Variants in ADH1C observed in about 807,000 individuals in gnomAD.
ADH1C encodes alcohol dehydrogenase 1C.
Under a neutral mutation model 35.0 loss-of-function variants are expected in ADH1C, and 26 were observed. The ratio of observed to expected loss-of-function variants is 0.74; its 90% CI spans 0.54 to 1.03. The LOEUF (loss-of-function observed/expected upper bound fraction) is 1.03. ADH1C is among the 50% of genes least tolerant of loss of function. The pLI is 0.00. For synonymous variants in ADH1C, 170 were observed against 169.3 expected, an observed-to-expected ratio of 1.00 and a Z score of -0.03; for missense variants, 413 against 465.4, an observed-to-expected ratio of 0.89 and a Z score of 1.04.
intron 3 of ADH1C, 52 bp from the exon 4 acceptor site, chr4:99,345,318 G>A: frequency 1.3e-6 from 2 of 1,525,148 alleles, no homozygotes; most frequent in Non-Finnish European, 1.8e-6. Context: ...GGAATTAATA[G>A]AGCAAAAACT....
chr4:99,339,045 AT>A (rs900693174), intron 8 of ADH1C, among the ~76,000 whole-genome samples: 2 of 151,526 alleles, frequency 1.3e-5, no homozygotes, highest in South Asian at 2.1e-4. Context: ...TTCTTAGTAA[AT>A]TTTTTTTTCT....
chr4:99,341,390 A>G (rs2009181), intron 6 of ADH1C, among the ~76,000 whole-genome samples: 46,873 of 151,978 alleles, frequency 0.31, 8,771 homozygotes, highest in East Asian at 0.75. Context: ...TAGTTCTTTG[A>G]TTTTGGATTC....
intron 8 of ADH1C, 53 bp downstream of exon 8, chr4:99,339,524 C>CGA (rs1560535849): frequency 6.1e-6 from 7 of 1,153,522 alleles, no homozygotes; most frequent in South Asian, 3.4e-5. Context: ...CCCCCCCCCC[C>CGA]CCGCCGCTAC....
chr4:99,349,799 G>A (rs1734632563), intron 1 of ADH1C, among the ~76,000 whole-genome samples: 1 of 120,708 alleles, frequency 8.3e-6, no homozygotes, highest in South Asian at 2.4e-4. Flanking sequence ...TTGTGTATGT[G>A]TGTTTCTGTG....
At chr4:99,339,547 A>G in intron 8 of ADH1C, 30 bp downstream of exon 8, 3 of 1,495,696 alleles carry the variant, frequency 2.0e-6, no homozygotes, top group Non-Finnish European at 2.7e-6. Flanking sequence ...TAGAATACAA[A>G]GCAAAACAAA....
intron 5 of ADH1C, among the ~76,000 whole-genome samples, chr4:99,344,567 T>C (rs1390196809): frequency 2.0e-5 from 3 of 152,218 alleles, no homozygotes; most frequent in Non-Finnish European, 4.4e-5. Flanking sequence ...TAATTGTTGA[T>C]TGAATTACAA....
intron 5 of ADH1C, among the ~76,000 whole-genome samples, chr4:99,344,654 A>G (rs1405817839): frequency 1.5e-5 from 2 of 137,540 alleles, no homozygotes; most frequent in Non-Finnish European, 3.4e-5. Context: ...TGAAAATGAC[A>G]TCTTTACATT....
At chr4:99,340,449 G>A in intron 7 of ADH1C, 126 bp downstream of exon 7, 1 of 1,142,198 alleles carries the variant, frequency 8.8e-7, no homozygotes. Flanking sequence ...CATTATTGGA[G>A]ACTATAGAAA....
rs757356943 is a variant in ADH1C at position 99,344,932 on chromosome 4, G to A, written c.497C>T (p.Pro166Leu). Residue 166 changes from proline to leucine, a missense_variant, in exon 5 of 9, where the codon CCC becomes CTC. Pro to Leu is a moderately conservative substitution (Grantham distance 98). Transcript: ENST00000515683. The part of the protein sequence containing the change: ...NAVAKIDAAS[P>L]LEKVCLIGCG... ...GCCAATGAGGCAGACTTTCTCCAGG[G>A]GCGAGGCTGCATCAATTTTGGCCAC... is the stretch of plus-strand genomic sequence containing the variant. 3 of 1,614,012 alleles carry A rather than the reference G, an allele frequency of 1.9e-6. No individual in the cohort carries two copies. The highest frequency in any genetic ancestry group is 1.7e-5 in the Admixed American group (1 of 59,980).
chr4:99,341,265 T>A (rs1734408576), intron 6 of ADH1C, among the ~76,000 whole-genome samples: 1 of 152,220 alleles, frequency 6.6e-6, no homozygotes, highest in Non-Finnish European at 1.5e-5. Context: ...TACATTAAAT[T>A]ACACTGATTA....
intron 1 of ADH1C, among the ~76,000 whole-genome samples, chr4:99,351,945 A>G (rs368424774): frequency 6.6e-6 from 1 of 152,222 alleles, no homozygotes; most frequent in Non-Finnish European, 1.5e-5. Context: ...CTGAGTGCTA[A>G]TAAGTGATTC....
Position 99,339,672 on chromosome 4 carries a change from A to G in ADH1C, c.1008T>C (p.Phe336=), listed in dbSNP as rs763367708. Residue 336 remains phenylalanine, a synonymous_variant, in exon 8 of 9, where the codon TTT becomes TTC. Transcript: ENST00000515683. ...CATCCAGTGAAAACTTCTTAGCCAT[A>G]AAGTCAGCCACAAGTTTGGGGACAG... The part of the protein sequence containing the change: ...KESVPKLVAD[F]MAKKFSLDAL... 3.4e-5 allele frequency: 55 copies of G among 1,611,886 alleles called. No homozygotes were observed. Among genetic ancestry groups the G allele is most frequent in the Non-Finnish European group, 4.3e-5 (51 of 1,179,290 alleles).
At position 99,347,750 on chromosome 4, in the gene ADH1C, T is replaced by A. The variant is rs770875819; in HGVS notation, c.115A>T (p.Ile39Phe). ...VAPPKAHEVR[I>F]KMVAAGICRS... is the part of the protein sequence containing the mutation. Reference sequence around the variant, plus strand: ...AAATGGAAAAAGTATTTCACCTTAATGCGAACTTCATGAGCCTTAGGAGGT... The same window carrying A: ...AAATGGAAAAAGTATTTCACCTTAAAGCGAACTTCATGAGCCTTAGGAGGT... The change falls in exon 2 of 9, where the codon ATT becomes TTT. Residue 39 changes from isoleucine to phenylalanine, a missense_variant. Coordinates refer to ENST00000515683, the MANE Select transcript of ADH1C (RefSeq NM_000669.5). 6.2e-7 allele frequency: 1 copy of A among 1,607,538 alleles called. No homozygotes were observed. Among genetic ancestry groups the A allele is most frequent in the South Asian group, 1.1e-5 (1 of 89,370 alleles).
intron 8 of ADH1C, among the ~76,000 whole-genome samples, chr4:99,337,671 C>A (rs1417725054): frequency 6.6e-6 from 1 of 151,706 alleles, no homozygotes; most frequent in African/African-American, 2.4e-5. Context: ...ACAGAAGAAG[C>A]CGCTAAAAAA....
intron 8 of ADH1C, 65 bp downstream of exon 8, chr4:99,339,512 G>GGGCCCC: frequency 1.3e-6 from 1 of 742,268 alleles, no homozygotes; most frequent in Non-Finnish European, 1.9e-6. Context: ...GCTAGACAAC[G>GGGCCCC]CCCCCCCCCC....
intron 3 of ADH1C, among the ~76,000 whole-genome samples, chr4:99,346,058 T>C (rs1734523345): frequency 6.6e-6 from 1 of 151,802 alleles, no homozygotes; most frequent in Admixed American, 6.6e-5. Flanking sequence ...AAAACTCAAA[T>C]TGGACAGTTT....
At chr4:99,341,367 G>C (rs753200913) in intron 6 of ADH1C, among the ~76,000 whole-genome samples, 18 of 152,266 alleles carry the variant, frequency 1.2e-4, no homozygotes, top group Middle Eastern at 3.4e-3. Context: ...GATCCCTCTA[G>C]GTATATAATG....
At chr4:99,348,606 T>C (rs1041540988) in intron 1 of ADH1C, among the ~76,000 whole-genome samples, 3 of 150,926 alleles carry the variant, frequency 2.0e-5, no homozygotes, top group Admixed American at 6.6e-5. Flanking sequence ...TGTGTCTTTA[T>C]AGCAGCATGA....
rs1462367189 is a variant in ADH1C at position 99,336,755 on chromosome 4, A to T, written c.1125T>A (p.Phe375Leu). The change falls in exon 9 of 9, where the codon TTT (phenylalanine) becomes TTA (leucine). Residue 375 changes from phenylalanine (F) to leucine (L), a missense_variant. Physicochemically the swap from Phe to Leu is conservative, Grantham distance 22. Coordinates refer to ENST00000515683, the MANE Select transcript of ADH1C (RefSeq NM_000669.5). Reference sequence around the variant, plus strand: ...AAGGGAAGGCATCTGTATTGTTTCAAAACGTCAGGACGGTACGGATACTGC... The same window carrying T: ...AAGGGAAGGCATCTGTATTGTTTCATAACGTCAGGACGGTACGGATACTGC... ...SGKSIRTVLT[F>L] 1 of 1,613,756 alleles carries T rather than the reference A, an allele frequency of 6.2e-7. No individual in the cohort carries two copies. Among genetic ancestry groups the T allele is most frequent in the Non-Finnish European group, 8.5e-7 (1 of 1,179,762 alleles).
Sources: allele counts gnomAD v4.1 joint callset (sites outside exome capture counted in the v4.1 genomes callset), GRCh38; gene constraint gnomAD v4.1.1; transcripts MANE v1.5; gene names NCBI Gene and HGNC (gene_info 2026-07-23, HGNC 2026-07-21).